The following NSD3 variants were observed in gnomAD, a reference collection of about 807,000 sequenced individuals.
NSD3 encodes nuclear receptor binding SET domain protein 3.
NSD3 carries 24 observed loss-of-function variants against 160.8 expected under a neutral mutation model. The observed-to-expected ratio is 0.15, with a 90% CI of 0.11 to 0.21. NSD3 has a LOEUF of 0.21. Ranked by LOEUF, NSD3 falls within the 10% of genes least tolerant of loss-of-function variation. NSD3 has a pLI of 1.00. For synonymous variants in NSD3, 520 were observed against 600.0 expected (o/e 0.87, Z 1.95); for missense variants, 1,157 against 1,735.9 (o/e 0.67, Z 5.93).
intron 1 of NSD3, among the ~76,000 whole-genome samples, chr8:38,368,032 T>C (rs1485670727): frequency 1.3e-5 from 2 of 152,130 alleles, no homozygotes; most frequent in Admixed American, 6.6e-5. Context: ...CAGGTTGGAG[T>C]GCCCTGGCAC....
chr8:38,304,830 G>T, intron 13 of NSD3, 73 bp from the exon 14 acceptor site: 1 of 1,466,294 alleles, frequency 6.8e-7, no homozygotes, highest in Non-Finnish European at 9.1e-7. Flanking sequence ...CTGGAGTTGG[G>T]CTTTTTTGGG....
intron 5 of NSD3, 147 bp from the exon 6 acceptor site, chr8:38,330,040 TC>T: frequency 1.1e-6 from 1 of 894,728 alleles, no homozygotes; most frequent in Non-Finnish European, 1.6e-6. Context: ...ATGTTCTATC[TC>T]CATAATTCTG....
At chr8:38,360,519 G>A (rs963467517) in intron 1 of NSD3, among the ~76,000 whole-genome samples, 5 of 152,212 alleles carry the variant, frequency 3.3e-5, no homozygotes, top group Non-Finnish European at 5.9e-5. Flanking sequence ...AAAGTTTAAG[G>A]CTATGATTTA....
At position 38,354,835 on chromosome 8, in the gene NSD3, T is replaced by C. The variant is rs548339566; in HGVS notation, c.-44-6620A>G. Among the ~76,000 whole-genome samples the C allele has an allele frequency of 8.5e-5, 13 of 152,278 alleles. 1 individual carries two copies. The South Asian group carries it at 2.3e-3, about 27-fold the overall frequency. ...AAGCCTCCATTAAATTCTGGTGCCA[T>C]GTTCTAAGCAAACAAGCTAAAGGGG... On this transcript the variant is annotated intron_variant, in intron 1 of 23. Coordinates refer to ENST00000317025, the MANE Select transcript of NSD3 (RefSeq NM_023034.2).
intron 16 of NSD3, among the ~76,000 whole-genome samples, chr8:38,295,028 C>T (rs1011268665): frequency 3.5e-4 from 52 of 148,978 alleles, no homozygotes; most frequent in Non-Finnish European, 6.5e-4. Context: ...CCTGTAGTCC[C>T]AGCTACTCGG....
intron 1 of NSD3, among the ~76,000 whole-genome samples, chr8:38,378,199 C>T (rs1228038064): frequency 3.3e-5 from 5 of 151,412 alleles, no homozygotes; most frequent in African/African-American, 9.7e-5. Flanking sequence ...AACAAACAAA[C>T]GAACAAACAA....
rs982566961 is a variant in NSD3 at position 38,329,106 on chromosome 8, T to C, written c.1581+272A>G. Among the ~76,000 whole-genome samples the C allele has an allele frequency of 7.2e-5, 11 of 152,230 alleles. No homozygotes were observed. Among genetic ancestry groups the C allele is most frequent in the Non-Finnish European group, 1.6e-4 (11 of 68,040 alleles). On this transcript the variant is annotated intron_variant, in intron 6 of 23. Transcript: ENST00000317025. This position sits in a 1 kb window ranked among gnomAD's most constrained non-coding sequence, Gnocchi z 4.8. ...AAACAGGCAAAGTGCCCAGTTTTTTTCCATGACTTTAGGGAGCTAAGCTCA... is the reference window on the plus strand; with the variant it reads ...AAACAGGCAAAGTGCCCAGTTTTTTCCCATGACTTTAGGGAGCTAAGCTCA...
Position 38,295,660 on chromosome 8 carries a change from GTTCTT to G in NSD3, c.2915+131_2915+135del, listed in dbSNP as rs1809117490. On this transcript the variant is annotated intron_variant, in intron 16 of 23. Coordinates refer to ENST00000317025, the MANE Select transcript of NSD3 (RefSeq NM_023034.2). The stretch of plus-strand genomic sequence containing the variant: ...CTTAAGAACCCAGCCTCAAAACATG[GTTCTT>G]TTCTTTTTTTTTTTTAAGGAAGTAG... 13 of 814,082 alleles carry G rather than the reference GTTCTT, an allele frequency of 1.6e-5. No homozygotes were observed. The East Asian group carries it at 1.7e-4, about 11-fold the overall frequency. The allele number at this position is 814,082 out of a possible 1,614,324, so 50.4% of individuals were successfully genotyped here. A position where few individuals can be genotyped will look rare whatever the true frequency, so the allele number is the denominator to read the frequency against.
intron 19 of NSD3, among the ~76,000 whole-genome samples, chr8:38,287,547 G>A (rs1055722001): frequency 6.6e-6 from 1 of 152,150 alleles, no homozygotes; most frequent in South Asian, 2.1e-4. Context: ...GAATTGAAGG[G>A]ATGTAGGAAG....
rs539483002 is a variant in NSD3 at position 38,287,525 on chromosome 8, TGAG to T, written c.3501+959_3501+961del. ...AACTATGAACAATGGTTATCTCTGA[TGAG>T]GAGATGAAGAATTGAAGGGATGTAG... On this transcript the variant is annotated intron_variant, in intron 19 of 23. Transcript: ENST00000317025. Among the ~76,000 whole-genome samples the T allele has an allele frequency of 2.6e-3, 398 of 152,336 alleles. 1 individual carries two copies. Among genetic ancestry groups the T allele is most frequent in the Non-Finnish European group, 4.6e-3 (311 of 68,028 alleles).
At chr8:38,325,856 CA>C (rs746619418) in intron 7 of NSD3, among the ~76,000 whole-genome samples, 52 of 119,448 alleles carry the variant, frequency 4.4e-4, no homozygotes, top group Admixed American at 5.4e-4. Flanking sequence ...GACCCCGTCT[CA>C]AAAAAAAAAA....
Position 38,316,933 on chromosome 8 carries a change from A to C in NSD3, c.1856-891T>G. 9.4e-7 allele frequency: 1 copy of C among 1,062,228 alleles called. No homozygotes were observed. The highest frequency in any genetic ancestry group is 1.1e-6 in the Non-Finnish European group (1 of 877,152). 65.8% of individuals were successfully genotyped at this position (1,062,228 alleles called of 1,614,324 possible). A position where few individuals can be genotyped will look rare whatever the true frequency, so the allele number is the denominator to read the frequency against. On this transcript the variant is annotated intron_variant, in intron 9 of 23. Transcript: ENST00000317025. This position sits in a 1 kb window ranked among gnomAD's most constrained non-coding sequence, Gnocchi z 4.5. ...CAGAAACAGCCACGATGAAATGTGC[A>C]GATCAGGCACGGTGAATACCAAGGA...
intron 12 of NSD3, among the ~76,000 whole-genome samples, chr8:38,307,830 A>T: frequency 6.6e-6 from 1 of 152,224 alleles, no homozygotes; most frequent in East Asian, 1.9e-4. Context: ...AGTAATTATA[A>T]TATTTTCAAA....
chr8:38,290,664 C>T lies in NSD3; in HGVS notation c.2929G>A (p.Glu977Lys). 2 of 1,613,726 alleles carry T rather than the reference C, an allele frequency of 1.2e-6. No homozygotes were observed. Among genetic ancestry groups the T allele is most frequent in the South Asian group, 1.1e-5 (1 of 91,056 alleles). ...GGCACAGACCTGGGGTTGCAGATCTCTGCTGGCCACCATCTGAAAACAAAA... is the reference window on the plus strand; with the variant it reads ...GGCACAGACCTGGGGTTGCAGATCTTTGCTGGCCACCATCTGAAAACAAAA... ...KLGNYRWWPA[E>K]ICNPRSVPLN... The change falls in exon 17 of 24, where the codon GAG (glutamate) becomes AAG (lysine). Residue 977 changes from glutamate to lysine, a missense_variant. Glu to Lys is a moderately conservative substitution (Grantham distance 56, BLOSUM62 1). Transcript: ENST00000317025.
chr8:38,279,859 C>T (rs547111348), intron 20 of NSD3, 178 bp from the exon 21 acceptor site: 3 of 611,072 alleles, frequency 4.9e-6, no homozygotes, highest in Non-Finnish European at 8.2e-6. Context: ...TATTTGATGA[C>T]CTTCAAGTCA....
intron 16 of NSD3, 28 bp downstream of exon 16, chr8:38,295,768 C>T (rs1292645277): frequency 6.2e-7 from 1 of 1,606,226 alleles, no homozygotes; most frequent in Admixed American, 1.7e-5. Context: ...TGATTGAATA[C>T]TTCCTCTTTG....
In NSD3 at chr8:38,316,698, A is replaced by C; in HGVS notation, c.1856-656T>G. On this transcript the variant is annotated intron_variant, in intron 9 of 23. Transcript: ENST00000317025. The surrounding 1 kb of genome is among the most constrained non-coding windows in gnomAD (Gnocchi z 4.5). Reference sequence around the variant, plus strand: ...CATTGCTGAGGGCTGTAAATGGACAATCAGTGTTCAAGTGCAGCCAAATCA... The same window carrying C: ...CATTGCTGAGGGCTGTAAATGGACACTCAGTGTTCAAGTGCAGCCAAATCA... 9.5e-7 allele frequency: 1 copy of C among 1,055,772 alleles called. No homozygotes were observed. The highest frequency in any genetic ancestry group is 5.3e-5 in the East Asian group (1 of 18,846). 65.4% of individuals were successfully genotyped at this position (1,055,772 alleles called of 1,614,324 possible). A position where few individuals can be genotyped will look rare whatever the true frequency, so the allele number is the denominator to read the frequency against.
chr8:38,305,872 A>G (rs1276731008), intron 12 of NSD3, among the ~76,000 whole-genome samples: 3 of 152,178 alleles, frequency 2.0e-5, no homozygotes, highest in Non-Finnish European at 2.9e-5. Context: ...AGAAAATTAC[A>G]GCTAGACATA....
chr8:38,286,762 G>T (rs1162639201), intron 19 of NSD3, among the ~76,000 whole-genome samples: 1 of 152,136 alleles, frequency 6.6e-6, no homozygotes, highest in African/African-American at 2.4e-5. Context: ...CCCAGGCACA[G>T]AACTTCCCTG....
Sources: gnomAD v4.1 joint callset for allele counts (sites outside exome capture counted in the v4.1 genomes callset) on GRCh38, gnomAD v4.1.1 for gene constraint, Gnocchi (gnomAD v3.1) non-coding constraint, MANE v1.5 for transcripts, NCBI Gene and HGNC (gene_info 2026-07-23, HGNC 2026-07-21) for gene names.